Variants in GTF2E2 observed in about 807,000 individuals in gnomAD.
The protein encoded by GTF2E2 is general transcription factor IIE subunit 2.
In GTF2E2, 21 loss-of-function variants were observed where a neutral mutation model predicts 40.5. The observed-to-expected ratio is 0.52, with a 90% CI of 0.37 to 0.75. The LOEUF (loss-of-function observed/expected upper bound fraction) is 0.75. GTF2E2 is among the 30% of genes least tolerant of loss of function. The probability of loss-of-function intolerance (pLI) is 0.00; values close to 1 mark genes in which losing one functional copy is unlikely to be tolerated. For missense variants in GTF2E2, 298 were observed against 338.4 expected (o/e 0.88, Z 0.94); for synonymous variants, 117 against 121.6 (o/e 0.96, Z 0.25).
At chr8:30,637,414 C>A in intron 2 of GTF2E2, 1 of 396,392 alleles carries the variant, frequency 2.5e-6, no homozygotes, top group Non-Finnish European at 4.9e-6. Context: ...GCTTAGTAAA[C>A]ACTCAATAAA....
At chr8:30,622,796 A>C (rs1787866560) in intron 3 of GTF2E2, among the ~76,000 whole-genome samples, 1 of 152,074 alleles carries the variant, frequency 6.6e-6, no homozygotes, top group Non-Finnish European at 1.5e-5. Flanking sequence ...TTTGCTTTTG[A>C]AAGAAAAGAA....
At chr8:30,604,391 T>C (rs1010502055) in intron 6 of GTF2E2, among the ~76,000 whole-genome samples, 4 of 152,310 alleles carry the variant, frequency 2.6e-5, no homozygotes, top group Non-Finnish European at 5.9e-5. Context: ...ATTTTCTCAA[T>C]TTACTTCTGC....
intron 6 of GTF2E2, among the ~76,000 whole-genome samples, chr8:30,595,921 C>A (rs911132751): frequency 3.3e-5 from 5 of 152,098 alleles, no homozygotes; most frequent in Admixed American, 6.6e-5. Flanking sequence ...TTGCTGTGTA[C>A]GGAATTCTGG....
intron 3 of GTF2E2, among the ~76,000 whole-genome samples, chr8:30,624,113 T>C (rs1414502258): frequency 6.6e-6 from 1 of 152,154 alleles, no homozygotes; most frequent in African/African-American, 2.4e-5. Flanking sequence ...TAGTATTGCC[T>C]AGGTTTTCTT....
At chr8:30,636,282 C>T (rs1192720617) in intron 2 of GTF2E2, among the ~76,000 whole-genome samples, 2 of 152,132 alleles carry the variant, frequency 1.3e-5, no homozygotes, top group African/African-American at 2.4e-5. Context: ...TTATAAAGTT[C>T]CCATGTGGCT....
At chr8:30,582,005 C>CAAAAAA (rs1254440514) in intron 6 of GTF2E2, among the ~76,000 whole-genome samples, 1 of 152,120 alleles carries the variant, frequency 6.6e-6, no homozygotes, top group African/African-American at 2.4e-5. Flanking sequence ...AGACTGTTTT[C>CAAAAAA]TTTTTTTAAA....
chr8:30,649,628 T>A (rs915772722), intron 2 of GTF2E2, among the ~76,000 whole-genome samples: 7 of 152,162 alleles, frequency 4.6e-5, no homozygotes, highest in African/African-American at 1.4e-4. Context: ...GCAGATCACC[T>A]GAGGTCAGGA....
At chr8:30,612,275 A>T (rs780507697) in intron 5 of GTF2E2, 24 bp downstream of exon 5, 1 of 1,387,642 alleles carries the variant, frequency 7.2e-7, no homozygotes, top group Non-Finnish European at 1.0e-6. Context: ...TTATATTAAG[A>T]CATAGAAAGA....
At chr8:30,627,123 T>A (rs1436571792) in intron 3 of GTF2E2, among the ~76,000 whole-genome samples, 1 of 152,186 alleles carries the variant, frequency 6.6e-6, no homozygotes, top group African/African-American at 2.4e-5. Flanking sequence ...CTGAAAAGGC[T>A]CCACTCTCAA....
intron 6 of GTF2E2, among the ~76,000 whole-genome samples, chr8:30,606,207 A>G (rs1469761937): frequency 1.3e-5 from 2 of 152,248 alleles, no homozygotes; most frequent in Non-Finnish European, 2.9e-5. Flanking sequence ...ATTTATTGTG[A>G]ACCAATTACA....
At chr8:30,615,441 T>C (rs988399756) in intron 3 of GTF2E2, among the ~76,000 whole-genome samples, 3 of 152,188 alleles carry the variant, frequency 2.0e-5, no homozygotes, top group African/African-American at 7.2e-5. Context: ...AAGTGACTTA[T>C]GGTCACTGTA....
intron 6 of GTF2E2, among the ~76,000 whole-genome samples, chr8:30,589,838 C>G (rs759581088): frequency 6.6e-6 from 1 of 152,158 alleles, no homozygotes; most frequent in Non-Finnish European, 1.5e-5. Flanking sequence ...GGATAAACAC[C>G]AGACACCAAA....
intron 3 of GTF2E2, among the ~76,000 whole-genome samples, chr8:30,625,062 G>T (rs967112783): frequency 5.3e-5 from 8 of 151,976 alleles, no homozygotes; most frequent in Non-Finnish European, 8.8e-5. Context: ...GGAGTGGTGA[G>T]AGAGGGCATC....
intron 6 of GTF2E2, among the ~76,000 whole-genome samples, chr8:30,590,364 T>C (rs1420181911): frequency 6.6e-6 from 1 of 152,210 alleles, no homozygotes; most frequent in African/African-American, 2.4e-5. Context: ...TTGTTTCCAA[T>C]TGTTGGTGGT....
chr8:30,626,913 T>C (rs1170773527), intron 3 of GTF2E2, among the ~76,000 whole-genome samples: 1 of 152,354 alleles, frequency 6.6e-6, no homozygotes, highest in African/African-American at 2.4e-5. Context: ...CAAGTCAAGG[T>C]ACTTACTGGA....
At chr8:30,648,515 T>G (rs551815398) in intron 2 of GTF2E2, among the ~76,000 whole-genome samples, 3 of 152,342 alleles carry the variant, frequency 2.0e-5, no homozygotes, top group Admixed American at 2.0e-4. Flanking sequence ...TCCAGCTCTC[T>G]TCATTAAGGA....
At chr8:30,625,990 C>T (rs924864437) in intron 3 of GTF2E2, among the ~76,000 whole-genome samples, 5 of 152,188 alleles carry the variant, frequency 3.3e-5, no homozygotes, top group Non-Finnish European at 5.9e-5. Flanking sequence ...AGTAGGCTGA[C>T]AATGTCAGCA....
Position 30,614,678 on chromosome 8 carries a change from A to G in GTF2E2, c.296T>C (p.Leu99Ser). Residue 99 changes from leucine to serine, a missense_variant, in exon 4 of 8, where the codon TTA becomes TCA. Leu to Ser is a moderately radical substitution (Grantham distance 145, BLOSUM62 -2). Transcript: ENST00000355904. ...TTGTGTTTCATCCAAAATTTCATCT[A>G]AGGTTAGAGGATGCGTATCTCCTCG... ...HQRGDTHPLT[L>S]DEILDETQHL... is the part of the protein sequence containing the mutation. 6.2e-7 allele frequency: 1 copy of G among 1,609,930 alleles called. No homozygotes were observed. The highest frequency in any genetic ancestry group is 8.5e-7 in the Non-Finnish European group (1 of 1,176,620).
At chr8:30,615,822 G>A (rs1333367855) in intron 3 of GTF2E2, among the ~76,000 whole-genome samples, 1 of 151,988 alleles carries the variant, frequency 6.6e-6, no homozygotes, top group Non-Finnish European at 1.5e-5. Context: ...ACGATCCTTG[G>A]TATTTACCCA....
Sources: gnomAD v4.1 joint callset for allele counts (sites outside exome capture counted in the v4.1 genomes callset) on GRCh38, gnomAD v4.1.1 for gene constraint, MANE v1.5 for transcripts, NCBI Gene and HGNC (gene_info 2026-07-23, HGNC 2026-07-21) for gene names.